The following ATP5F1A variants were observed in gnomAD, a reference collection of about 807,000 sequenced individuals.
ATP5F1A encodes ATP synthase F1 subunit alpha.
In ATP5F1A, 24 loss-of-function variants were observed where a neutral mutation model predicts 57.4. The ratio of observed to expected loss-of-function variants is 0.42; its 90% CI spans 0.30 to 0.59. The LOEUF is 0.59. Ranked by LOEUF, ATP5F1A falls within the 20% of genes least tolerant of loss-of-function variation. ATP5F1A has a pLI of 0.19. For synonymous variants in ATP5F1A, 251 were observed against 255.5 expected (o/e 0.98, Z 0.17); for missense variants, 494 against 707.9 (o/e 0.70, Z 3.43).
rs372489947 is a variant in ATP5F1A, at chr18:46,087,440, T to C, written c.852A>G (p.Pro284=). 1 of 1,614,144 alleles carries C rather than the reference T, an allele frequency of 6.2e-7. No individual in the cohort carries two copies. The part of the protein sequence containing the change: ...VVSATASDAA[P]LQYLAPYSGC... ...CAGAGTAAGGAGCCAGGTACTGAAG[T>C]GGGGCAGCATCCGAGGCCGTAGCCG... Residue 284 remains proline (P), a synonymous_variant, in exon 7 of 12, where the codon CCA becomes CCG. Transcript: ENST00000398752.
At chr18:46,095,028 C>A (rs200765347) in intron 2 of ATP5F1A, 25 bp downstream of exon 2, 18 of 1,603,636 alleles carry the variant, frequency 1.1e-5, no homozygotes, top group Middle Eastern at 1.7e-4. Flanking sequence ...GTAAGTGCGG[C>A]GTAGACTGAG....
intron 1 of ATP5F1A, among the ~76,000 whole-genome samples, chr18:46,096,437 T>A (rs1305794698): frequency 1.4e-5 from 2 of 142,716 alleles, no homozygotes; most frequent in Non-Finnish European, 3.0e-5. Context: ...GAGGCAGAGG[T>A]TGTGGTGAGC....
In ATP5F1A at chr18:46,082,734, C is replaced by T. The variant is rs757650279; in HGVS notation, c.*1548G>A. On this transcript the variant is annotated 3_prime_UTR_variant, in exon 12 of 12. Transcript: ENST00000398752. ...GTAACACATTAAGAATGAGCAAAGG[C>T]TATGAAAAATTAAAAGTAAATAAAT... 7 of 151,744 alleles carry T rather than the reference C, an allele frequency of 4.6e-5. No homozygotes were observed. The highest frequency in any genetic ancestry group is 2.6e-4 in the Admixed American group (4 of 15,202). 9.4% of individuals were successfully genotyped at this position (151,744 alleles called of 1,614,324 possible).
intron 2 of ATP5F1A, 117 bp downstream of exon 2, chr18:46,094,936 C>T: frequency 7.5e-7 from 1 of 1,337,248 alleles, no homozygotes; most frequent in African/African-American, 1.5e-5. Flanking sequence ...ACCTGAGAGT[C>T]TATACAAACT....
At chr18:46,099,740 G>A (rs964912536), upstream of ATP5F1A, among the ~76,000 whole-genome samples, 21 of 152,126 alleles carry the variant, frequency 1.4e-4, no homozygotes, top group African/African-American at 4.8e-4. Context: ...GCTTTTCACC[G>A]TTTGGAGAAG....
chr18:46,101,556 A>G (rs1284639273), upstream of ATP5F1A, among the ~76,000 whole-genome samples: 1 of 151,956 alleles, frequency 6.6e-6, no homozygotes, highest in African/African-American at 2.4e-5. Context: ...TCTGCACTTC[A>G]GTATGCGCGA....
intron 3 of ATP5F1A, among the ~76,000 whole-genome samples, chr18:46,090,387 TATC>T (rs56251365): frequency 6.6e-6 from 1 of 152,306 alleles, no homozygotes; most frequent in Non-Finnish European, 1.5e-5. Flanking sequence ...CAAATTTGAT[TATC>T]ATCTTATTTA....
Position 46,094,980 on chromosome 18 carries a change from C to T in ATP5F1A, c.139+73G>A, listed in dbSNP as rs1209524092. On this transcript the variant is annotated intron_variant, in intron 2 of 11. Transcript: ENST00000398752. Reference sequence around the variant, plus strand: ...AACTAACAAATGAAAAACAACTCACCACAGTTATACGATGTATGTAATTTA... The same window carrying T: ...AACTAACAAATGAAAAACAACTCACTACAGTTATACGATGTATGTAATTTA... 1.4e-6 allele frequency: 2 copies of T among 1,463,930 alleles called. No homozygotes were observed. Among genetic ancestry groups the T allele is most frequent in the African/African-American group, 1.4e-5 (1 of 70,224 alleles). 90.7% of individuals were successfully genotyped at this position (1,463,930 alleles called of 1,614,324 possible).
chr18:46,084,978 CTTTCT>C (rs1210515577), intron 10 of ATP5F1A: 3 of 206,106 alleles, frequency 1.5e-5, no homozygotes, highest in African/African-American at 2.3e-5. Flanking sequence ...AACGTATTAA[CTTTCT>C]TTTAAATCTG....
At chr18:46,102,819 A>G (rs1241664867), upstream of ATP5F1A, among the ~76,000 whole-genome samples, 2 of 152,210 alleles carry the variant, frequency 1.3e-5, no homozygotes, top group East Asian at 1.9e-4. Flanking sequence ...GTGGTGGTGC[A>G]CGCCTATAGT....
chr18:46,101,671 G>T (rs183273026), upstream of ATP5F1A, among the ~76,000 whole-genome samples: 7 of 152,158 alleles, frequency 4.6e-5, no homozygotes, highest in Admixed American at 4.6e-4. Context: ...GAAGCAGGTT[G>T]ATCACTTGAA....
At chr18:46,096,604 G>A (rs112571721) in intron 1 of ATP5F1A, among the ~76,000 whole-genome samples, 1 of 151,444 alleles carries the variant, frequency 6.6e-6, no homozygotes, top group Admixed American at 6.6e-5. Flanking sequence ...TAATGGAGTT[G>A]CAGGAATTCT....
Position 46,082,387 on chromosome 18 carries a change from CAA to C in ATP5F1A, c.*1893_*1894del, listed in dbSNP as rs34936471. 9.7e-4 allele frequency: 109 copies of C among 112,058 alleles called. No individual in the cohort carries two copies. The highest frequency in any genetic ancestry group is 1.3e-3 in the Non-Finnish European group (73 of 54,134). The allele number at this position is 112,058 out of a possible 1,614,324, so 6.9% of individuals were successfully genotyped here. On this transcript the variant is annotated 3_prime_UTR_variant, in exon 12 of 12. Coordinates refer to ENST00000398752, the MANE Select transcript of ATP5F1A (RefSeq NM_004046.6). Reference sequence around the variant, plus strand: ...CCTGGGAGACAGTGAGACTCCGTCTCAAAAAAAAAAAAAAAAGGCCAGGTGTG... The same window carrying C: ...CCTGGGAGACAGTGAGACTCCGTCTCAAAAAAAAAAAAAAGGCCAGGTGTG...
chr18:46,094,011 G>A (rs1910754632), intron 2 of ATP5F1A, among the ~76,000 whole-genome samples: 1 of 151,634 alleles, frequency 6.6e-6, no homozygotes, highest in Non-Finnish European at 1.5e-5. Context: ...GGAGGCTGAG[G>A]CAGGAGAATC....
chr18:46,087,738 G>C (rs1342210946), intron 6 of ATP5F1A: 2 of 474,644 alleles, frequency 4.2e-6, no homozygotes, highest in African/African-American at 3.9e-5. Flanking sequence ...AAATTAGCCG[G>C]ACGTGGTGGC....
upstream of ATP5F1A, among the ~76,000 whole-genome samples, chr18:46,101,579 T>C (rs189523261): frequency 6.6e-6 from 1 of 151,586 alleles, no homozygotes; most frequent in East Asian, 2.0e-4. Context: ...GGAGTGAGAC[T>C]ATCTCAAAAC....
At chr18:46,089,249 A>T (rs1005574512) in intron 5 of ATP5F1A, among the ~76,000 whole-genome samples, 1 of 152,214 alleles carries the variant, frequency 6.6e-6, no homozygotes, top group Non-Finnish European at 1.5e-5. Context: ...TCAGTCTCTC[A>T]ACCCACCTGA....
chr18:46,103,564 G>A (rs1296499076), intron 1 of ATP5F1A, among the ~76,000 whole-genome samples: 3 of 131,522 alleles, frequency 2.3e-5, no homozygotes, highest in East Asian at 4.5e-4. Flanking sequence ...GCCGAGAGCC[G>A]AGATCGTGCC....
intron 1 of ATP5F1A, 70 bp downstream of exon 1, chr18:46,098,102 C>T: frequency 2.0e-6 from 3 of 1,527,004 alleles, no homozygotes; most frequent in Non-Finnish European, 2.6e-6. Context: ...GCAGAGAGCG[C>T]CCGAGCCGGC....
Sources: gnomAD v4.1 joint callset for allele counts (sites outside exome capture counted in the v4.1 genomes callset) on GRCh38, gnomAD v4.1.1 for gene constraint, MANE v1.5 for transcripts, NCBI Gene and HGNC (gene_info 2026-07-23, HGNC 2026-07-21) for gene names.